VPS13D: variants seen among roughly 807,000 people sequenced by gnomAD.
VPS13D encodes vacuolar protein sorting 13 homolog D, also known as intermembrane lipid transfer protein VPS13D.
Under a neutral mutation model 461.9 loss-of-function variants are expected in VPS13D, and 187 were observed. The ratio of observed to expected loss-of-function variants is 0.40; its 90% CI spans 0.36 to 0.46. The LOEUF is 0.46. Ranked by LOEUF, VPS13D falls within the 20% of genes least tolerant of loss-of-function variation. The pLI, the probability that VPS13D is intolerant of heterozygous loss-of-function variation, is 0.60. For synonymous variants in VPS13D, 1,951 were observed against 1,986.3 expected (o/e 0.98, Z 0.47); for missense variants, 4,711 against 5,364.9 (o/e 0.88, Z 3.81).
chr1:12,333,858 A>G (rs1173165686), intron 38 of VPS13D, among the ~76,000 whole-genome samples: 1 of 152,250 alleles, frequency 6.6e-6, no homozygotes, highest in Non-Finnish European at 1.5e-5. Context: ...TATCTTTGGC[A>G]ACACTGAAAT....
intron 44 of VPS13D, 97 bp from the exon 45 acceptor site, chr1:12,348,726 A>T: frequency 7.0e-7 from 1 of 1,438,088 alleles, no homozygotes; most frequent in Non-Finnish European, 9.5e-7. Flanking sequence ...TATAGTAGTA[A>T]TAAGACACTT....
In VPS13D at chr1:12,244,416, G is replaced by T; in HGVS notation, c.346G>T (p.Ala116Ser). 1 of 1,614,156 alleles carries T rather than the reference G, an allele frequency of 6.2e-7. No individual in the cohort carries two copies. The highest frequency in any genetic ancestry group is 2.2e-5 in the East Asian group (1 of 44,884). Residue 116 changes from alanine (A) to serine (S), a missense_variant, in exon 4 of 70, where the codon GCC becomes TCC. Physicochemically the swap from Ala to Ser is moderately conservative, Grantham distance 99. Coordinates refer to ENST00000620676, the MANE Select transcript of VPS13D (RefSeq NM_015378.4). ...ERERKKALLQALEEKWKNDRQ... is the reference protein window; with the variant it reads ...ERERKKALLQSLEEKWKNDRQ... ...GGAACGTAAGAAAGCACTACTTCAA[G>T]CCCTGGAGGAGAAATGGAAGGCAAG...
chr1:12,293,293 C>CA (rs1231139681), intron 23 of VPS13D, among the ~76,000 whole-genome samples: 1 of 152,212 alleles, frequency 6.6e-6, no homozygotes, highest in Non-Finnish European at 1.5e-5. Flanking sequence ...TGAGTGACCT[C>CA]AGTGCTAGAG....
rs1180791351 is a variant in VPS13D, at chr1:12,290,880, G to A, written c.5726-118G>A. The A allele has an allele frequency of 1.0e-5, 10 of 1,001,208 alleles. No individual in the cohort carries two copies. The East Asian group carries it at 2.3e-4, about 23-fold the overall frequency. The allele number at this position is 1,001,208 out of a possible 1,614,324, so 62.0% of individuals were successfully genotyped here. Reference sequence around the variant, plus strand: ...TGGAATATGAAAATTTGCTTTTGAGGTTTGATTACAAAGTGAAAAGTCTGA... The same window carrying A: ...TGGAATATGAAAATTTGCTTTTGAGATTTGATTACAAAGTGAAAAGTCTGA... On this transcript the variant is annotated intron_variant, in intron 22 of 69. Transcript: ENST00000620676.
intron 65 of VPS13D, among the ~76,000 whole-genome samples, chr1:12,439,070 C>T (rs1399835731): frequency 3.3e-5 from 5 of 152,142 alleles, no homozygotes; most frequent in African/African-American, 1.2e-4. Context: ...GACATTGAAC[C>T]TCAGTACAAC....
chr1:12,396,006 T>TATATAG (rs1644491664), intron 60 of VPS13D, among the ~76,000 whole-genome samples: 1 of 130,612 alleles, frequency 7.7e-6, no homozygotes, highest in Admixed American at 7.7e-5. Context: ...GATATATATA[T>TATATAG]ATATATATAT....
intron 67 of VPS13D, among the ~76,000 whole-genome samples, chr1:12,492,411 A>C: frequency 6.6e-6 from 1 of 152,266 alleles, no homozygotes; most frequent in East Asian, 1.9e-4. Flanking sequence ...TTTAAATTTA[A>C]AATTCAGTCC....
chr1:12,287,069 C>A (rs1192522295), intron 21 of VPS13D, among the ~76,000 whole-genome samples: 1 of 152,110 alleles, frequency 6.6e-6, no homozygotes, highest in Non-Finnish European at 1.5e-5. Context: ...TCATGTTGGC[C>A]AGGCTGGTCT....
chr1:12,363,903 A>G (rs1163249220), intron 52 of VPS13D, among the ~76,000 whole-genome samples: 1 of 136,566 alleles, frequency 7.3e-6, no homozygotes, highest in Non-Finnish European at 1.5e-5. Context: ...TGGTGAGCTC[A>G]GATCACGCCA....
In VPS13D at chr1:12,279,761, T is replaced by A; in HGVS notation, c.4602+111T>A. On this transcript the variant is annotated intron_variant, in intron 20 of 69. Transcript: ENST00000620676. The surrounding 1 kb of genome is among the most constrained non-coding windows in gnomAD (Gnocchi z 4.3). ...GAAGGAATATATATTTTCAAAGATATATCACCCATGCATAATACCATTGTT... is the reference window on the plus strand; with the variant it reads ...GAAGGAATATATATTTTCAAAGATAAATCACCCATGCATAATACCATTGTT... 1 of 995,120 alleles carries A rather than the reference T, an allele frequency of 1.0e-6. No homozygotes were observed. The highest frequency in any genetic ancestry group is 1.4e-6 in the Non-Finnish European group (1 of 729,460). The allele number at this position is 995,120 out of a possible 1,614,324, so 61.6% of individuals were successfully genotyped here.
intron 65 of VPS13D, among the ~76,000 whole-genome samples, chr1:12,441,395 A>C (rs1645129312): frequency 6.6e-6 from 1 of 152,166 alleles, no homozygotes; most frequent in African/African-American, 2.4e-5. Context: ...TCCTGTCATT[A>C]AAGCATGGAC....
At chr1:12,490,250 A>G (rs1193892180) in intron 67 of VPS13D, among the ~76,000 whole-genome samples, 1 of 152,154 alleles carries the variant, frequency 6.6e-6, no homozygotes, top group Non-Finnish European at 1.5e-5. Context: ...CCATTTAAGA[A>G]CCAATCTCTA....
At position 12,248,433 on chromosome 1, in the gene VPS13D, C is replaced by T. The variant is rs553570751; in HGVS notation, c.448-790C>T. On this transcript the variant is annotated intron_variant, in intron 5 of 69. Coordinates refer to ENST00000620676, the MANE Select transcript of VPS13D (RefSeq NM_015378.4). ...TCATACCTTACTGCAGCCTCCATCT[C>T]ATGGGCTCAAACAATCCTCCTGCCT... 4.6e-5 allele frequency among the ~76,000 whole-genome samples: 7 copies of T among 152,204 alleles called. No homozygotes were observed. In the East Asian group the frequency reaches 1.4e-3, roughly 29 times the overall value.
rs553144311 is a variant in VPS13D, at chr1:12,349,817, G to A, written c.9431+443G>A. On this transcript the variant is annotated intron_variant, in intron 46 of 69. Transcript: ENST00000620676. ...CTTTCTTGAGAACTTTGACAAAATT[G>A]CCTAACCATTTAAACTCCTGTTTTC... Among the ~76,000 whole-genome samples the A allele has an allele frequency of 3.3e-4, 50 of 152,208 alleles. No individual in the cohort carries two copies. The South Asian group carries it at 9.3e-3, about 28-fold the overall frequency.
chr1:12,230,334 C>T (rs1221869209), intron 1 of VPS13D, among the ~76,000 whole-genome samples: 1 of 152,134 alleles, frequency 6.6e-6, no homozygotes, highest in East Asian at 1.9e-4. Flanking sequence ...GGGCCCCAAG[C>T]CCGCCACCTC....
Position 12,507,164 on chromosome 1 carries a change from C to G in VPS13D, c.13035+71C>G, listed in dbSNP as rs1309257524. 6.2e-7 allele frequency: 1 copy of G among 1,608,714 alleles called. No homozygotes were observed. The highest frequency in any genetic ancestry group is 2.2e-5 in the East Asian group (1 of 44,814). On this transcript the variant is annotated intron_variant, in intron 69 of 69. Transcript: ENST00000620676. The surrounding 1 kb of genome is among the most constrained non-coding windows in gnomAD (Gnocchi z 5.3). ...CCTCGATGCCTCTGCCCTGCTTCCC[C>G]GTCCTCAGCAGGAGCTCATTTAGGA...
chr1:12,385,135 AC>A (rs1370976609), intron 58 of VPS13D, 124 bp from the exon 59 acceptor site: 2 of 741,976 alleles, frequency 2.7e-6, no homozygotes, highest in East Asian at 2.8e-5. Context: ...TGCTTTGGAA[AC>A]CATTCGCTTC....
intron 67 of VPS13D, among the ~76,000 whole-genome samples, chr1:12,491,211 C>G (rs1316873641): frequency 1.3e-5 from 2 of 152,196 alleles, no homozygotes; most frequent in Non-Finnish European, 2.9e-5. Context: ...CATCACACAA[C>G]CCTTAAGGAA....
chr1:12,475,432 A>G (rs1018205182), intron 67 of VPS13D, among the ~76,000 whole-genome samples: 3 of 152,234 alleles, frequency 2.0e-5, no homozygotes, highest in African/African-American at 4.8e-5. Flanking sequence ...CTCTGCCATC[A>G]GGGAGGAAGC....
Sources: allele counts gnomAD v4.1 joint callset (sites outside exome capture counted in the v4.1 genomes callset), GRCh38; gene constraint gnomAD v4.1.1; non-coding constraint Gnocchi (gnomAD v3.1); transcripts MANE v1.5; gene names NCBI Gene and HGNC (gene_info 2026-07-23, HGNC 2026-07-21).